Variants in RBFOX1 observed in about 807,000 individuals in gnomAD.
RBFOX1 encodes the protein RNA binding fox-1 homolog 1, also known as RNA binding protein fox-1 homolog 1.
A neutral mutation model predicts 57.7 loss-of-function variants in RBFOX1; 8 were observed. The observed-to-expected ratio is 0.14, with a 90% CI of 0.08 to 0.25. The LOEUF is 0.25. Among genes scored for constraint, RBFOX1 ranks in the 10% least tolerant of loss-of-function variants. RBFOX1 has a pLI of 1.00. For synonymous variants in RBFOX1, 326 were observed against 222.4 expected, an observed-to-expected ratio of 1.47 and a Z score of -4.15; for missense variants, 611 against 548.5, an observed-to-expected ratio of 1.11 and a Z score of -1.14.
intron 3 of RBFOX1, among the ~76,000 whole-genome samples, chr16:6,818,704 C>T (rs936240384): frequency 5.9e-5 from 9 of 152,110 alleles, no homozygotes; most frequent in African/African-American, 9.7e-5. Flanking sequence ...GAGAAGTCCT[C>T]TCTTCCACCC....
intron 3 of RBFOX1, among the ~76,000 whole-genome samples, chr16:6,822,362 G>A (rs2091453295): frequency 6.6e-6 from 1 of 152,156 alleles, no homozygotes; most frequent in Non-Finnish European, 1.5e-5. Flanking sequence ...GTCTGTTACT[G>A]TCACTTGCAA....
chr16:6,147,087 C>T (rs1003897041), intron 1 of RBFOX1, among the ~76,000 whole-genome samples: 1 of 152,130 alleles, frequency 6.6e-6, no homozygotes. Flanking sequence ...CAGCTTCCAC[C>T]CACGGAATCA....
At chr16:6,381,730 G>T (rs1392647000) in intron 2 of RBFOX1, among the ~76,000 whole-genome samples, 1 of 152,198 alleles carries the variant, frequency 6.6e-6, no homozygotes, top group Admixed American at 6.5e-5. Flanking sequence ...GCATTGGGCC[G>T]ATGTATGCCT....
At chr16:7,398,375 T>C (rs531388484) in intron 4 of RBFOX1, among the ~76,000 whole-genome samples, 2 of 152,326 alleles carry the variant, frequency 1.3e-5, no homozygotes, top group South Asian at 4.1e-4. Context: ...TACAGAAAAT[T>C]TGAAGATGAG....
At chr16:7,697,230 A>T (rs374381800) in intron 14 of RBFOX1, among the ~76,000 whole-genome samples, 5 of 152,096 alleles carry the variant, frequency 3.3e-5, no homozygotes, top group African/African-American at 1.2e-4. Flanking sequence ...GCTGTGGGTG[A>T]GAAGTGGTCA....
intron 4 of RBFOX1, among the ~76,000 whole-genome samples, chr16:7,241,435 T>C (rs2043727503): frequency 6.6e-6 from 1 of 152,142 alleles, no homozygotes; most frequent in South Asian, 2.1e-4. Context: ...AACGTCTAAG[T>C]GTGGTTGTTT....
chr16:6,742,842 A>G (rs1363252130), intron 3 of RBFOX1, among the ~76,000 whole-genome samples: 3 of 152,198 alleles, frequency 2.0e-5, no homozygotes, highest in Non-Finnish European at 2.9e-5. Flanking sequence ...AAAGATGGGT[A>G]GAACTATAAA....
At chr16:5,644,351 C>A (rs949901313) in intron 3 of RBFOX1, among the ~76,000 whole-genome samples, 7 of 152,142 alleles carry the variant, frequency 4.6e-5, no homozygotes, top group Non-Finnish European at 1.0e-4. Context: ...TAACAGCACC[C>A]TGAATGTGGA....
intron 4 of RBFOX1, among the ~76,000 whole-genome samples, chr16:7,411,902 CAAAAAAAAA>C (rs60700135): frequency 3.1e-5 from 3 of 95,410 alleles, no homozygotes; most frequent in South Asian, 4.1e-4. Context: ...AAACTCCTTT[CAAAAAAAAA>C]AAAAAAAAAA....
chr16:6,691,246 C>G lies in RBFOX1; in HGVS notation c.-16+36596C>G, dbSNP rs72636203. On this transcript the variant is annotated intron_variant, in intron 3 of 15. Coordinates refer to ENST00000550418, the MANE Select transcript of RBFOX1 (RefSeq NM_018723.4). ...GGTTTTCTGTCCCTATAAAATTATT[C>G]CCGTGTCTATACAGAGCATCTCGAT... Among the ~76,000 whole-genome samples the G allele has an allele frequency of 4.0e-3, 612 of 152,218 alleles. 20 individuals carry two copies. In the East Asian group the frequency reaches 0.058, roughly 14 times the overall value.
chr16:6,385,932 TTTC>T (rs1292399831), intron 2 of RBFOX1, among the ~76,000 whole-genome samples: 5 of 54,112 alleles, frequency 9.2e-5, no homozygotes, highest in Admixed American at 7.1e-4. Context: ...ATTTCTTTTT[TTTC>T]TTTCTTTTTT....
chr16:7,502,275 G>A (rs4787036), intron 4 of RBFOX1, among the ~76,000 whole-genome samples: 35,044 of 152,096 alleles, frequency 0.23, 4,752 homozygotes, highest in African/African-American at 0.38. Context: ...ACTATGTGCG[G>A]AAGAAAAAGA....
chr16:6,504,902 A>G (rs2096050479), intron 2 of RBFOX1, among the ~76,000 whole-genome samples: 2 of 121,008 alleles, frequency 1.7e-5, no homozygotes, highest in South Asian at 1.0e-3. Context: ...AAAATTACAA[A>G]AAAAAAAAAA....
At chr16:5,266,659 C>T (rs1461851278) in intron 1 of RBFOX1, among the ~76,000 whole-genome samples, 2 of 151,304 alleles carry the variant, frequency 1.3e-5, no homozygotes, top group Non-Finnish European at 2.9e-5. Flanking sequence ...GGAGTCCTCC[C>T]ACCTCAGCCC....
intron 3 of RBFOX1, among the ~76,000 whole-genome samples, chr16:5,785,169 C>T (rs933231411): frequency 7.9e-5 from 12 of 152,330 alleles, no homozygotes; most frequent in East Asian, 3.9e-4. Context: ...ACGGGACATT[C>T]AACGGTCCTT....
intron 1 of RBFOX1, among the ~76,000 whole-genome samples, chr16:6,294,283 T>G (rs546467939): frequency 2.0e-5 from 3 of 152,206 alleles, no homozygotes; most frequent in African/African-American, 4.8e-5. Flanking sequence ...CACAGACTCT[T>G]CCTGAAGGAA....
intron 4 of RBFOX1, among the ~76,000 whole-genome samples, chr16:7,442,920 G>C (rs186690594): frequency 2.6e-5 from 4 of 152,146 alleles, no homozygotes; most frequent in African/African-American, 7.2e-5. Context: ...GCCATTGCCT[G>C]TTCCTGACTA....
In RBFOX1 at chr16:6,869,234, C is replaced by G. The variant is rs943856812; in HGVS notation, c.-15-182823C>G. ...ATTATCAGCAACACTTGCTGACCAC[C>G]TATATGTGCAAAGTGCTTGGTGTCA... On this transcript the variant is annotated intron_variant, in intron 3 of 15. Transcript: ENST00000550418. Among the ~76,000 whole-genome samples the G allele has an allele frequency of 5.9e-5, 9 of 152,300 alleles. No homozygotes were observed. In the South Asian group the frequency reaches 6.2e-4, roughly 11 times the overall value.
intron 2 of RBFOX1, among the ~76,000 whole-genome samples, chr16:6,569,376 T>G (rs934889718): frequency 1.3e-5 from 2 of 152,286 alleles, no homozygotes; most frequent in East Asian, 1.9e-4. Flanking sequence ...TTACTTCATG[T>G]GATGCTCATA....
Sources: gnomAD v4.1 joint callset for allele counts (sites outside exome capture counted in the v4.1 genomes callset) on GRCh38, gnomAD v4.1.1 for gene constraint, MANE v1.5 for transcripts, NCBI Gene and HGNC (gene_info 2026-07-23, HGNC 2026-07-21) for gene names.